The following STARD13 variants were observed in gnomAD, a reference collection of about 807,000 sequenced individuals.
The protein encoded by STARD13 is StAR related lipid transfer domain containing 13, also known as stAR-related lipid transfer protein 13.
STARD13 carries 62 observed loss-of-function variants against 106.4 expected under a neutral mutation model. That is an observed-to-expected ratio of 0.58 (90% CI 0.48 to 0.72). STARD13 has a LOEUF of 0.72. Among genes scored for constraint, STARD13 ranks in the 30% least tolerant of loss-of-function variants. STARD13 has a pLI of 0.00. For synonymous variants in STARD13, 565 were observed against 553.0 expected, an observed-to-expected ratio of 1.02 and a Z score of -0.31; for missense variants, 1,387 against 1,424.0, an observed-to-expected ratio of 0.97 and a Z score of 0.42.
At chr13:33,149,362 A>G (rs2858812) in intron 3 of STARD13, among the ~76,000 whole-genome samples, 65,803 of 152,082 alleles carry the variant, frequency 0.43, 14,898 homozygotes, top group East Asian at 0.58. Flanking sequence ...GAACCTAAAA[A>G]TTCTCTAAGA....
the STARD13 span, among the ~76,000 whole-genome samples, chr13:33,478,638 G>A: frequency 6.6e-6 from 1 of 152,070 alleles, no homozygotes; most frequent in Admixed American, 6.5e-5. Flanking sequence ...AGGTCAGGCT[G>A]GGCATGGTGG....
At chr13:33,394,812 A>G in the STARD13 span, among the ~76,000 whole-genome samples, 1 of 152,240 alleles carries the variant, frequency 6.6e-6, no homozygotes, top group African/African-American at 2.4e-5. Context: ...CAGAGCAGGC[A>G]GAGTTATTCA....
intron 1 of STARD13, among the ~76,000 whole-genome samples, chr13:33,204,993 G>C (rs1887312466): frequency 6.6e-6 from 1 of 152,194 alleles, no homozygotes; most frequent in Non-Finnish European, 1.5e-5. Context: ...GACCTCCTGT[G>C]AGCCCCCTGA....
chr13:33,630,574 C>T, the STARD13 span, among the ~76,000 whole-genome samples: 1 of 152,174 alleles, frequency 6.6e-6, no homozygotes, highest in East Asian at 1.9e-4. Flanking sequence ...TTCACCAAGT[C>T]CCTAGTGACC....
intron 1 of STARD13, among the ~76,000 whole-genome samples, chr13:33,291,088 A>G (rs954117482): frequency 6.6e-6 from 1 of 152,206 alleles, no homozygotes; most frequent in African/African-American, 2.4e-5. Context: ...AATATTAAAC[A>G]TTTTCTAATC....
the STARD13 span, among the ~76,000 whole-genome samples, chr13:33,545,141 G>A: frequency 6.6e-6 from 1 of 151,960 alleles, no homozygotes; most frequent in East Asian, 1.9e-4. Flanking sequence ...ATTTTCCTTA[G>A]TAGAGATCAG....
the STARD13 span, among the ~76,000 whole-genome samples, chr13:33,531,878 A>G: frequency 6.6e-6 from 1 of 152,206 alleles, no homozygotes; most frequent in Admixed American, 6.5e-5. Context: ...ATAATTACTC[A>G]TTTGTTTTTT....
intron 1 of STARD13, among the ~76,000 whole-genome samples, chr13:33,265,732 G>A (rs1890864368): frequency 6.6e-6 from 1 of 152,054 alleles, no homozygotes; most frequent in African/African-American, 2.4e-5. Flanking sequence ...GGAAGAAAAT[G>A]TATATGATTC....
the STARD13 span, among the ~76,000 whole-genome samples, chr13:33,653,440 T>A: frequency 6.6e-6 from 1 of 152,160 alleles, no homozygotes; most frequent in Admixed American, 6.5e-5. Flanking sequence ...AGAAAAGCCT[T>A]TTCAACAAAT....
chr13:33,470,711 A>G, the STARD13 span, among the ~76,000 whole-genome samples: 1 of 152,192 alleles, frequency 6.6e-6, no homozygotes, highest in Non-Finnish European at 1.5e-5. Context: ...TGTTGGCTGC[A>G]TAAATGTCTT....
At chr13:33,663,988 G>A in the STARD13 span, among the ~76,000 whole-genome samples, 1 of 152,184 alleles carries the variant, frequency 6.6e-6, no homozygotes, top group Admixed American at 6.5e-5. Context: ...CCAACGGGAA[G>A]GGAAGCATCC....
chr13:33,164,381 C>T (rs753950113), intron 3 of STARD13: 4 of 152,120 alleles, frequency 2.6e-5, no homozygotes, highest in African/African-American at 4.8e-5. Context: ...CATTACTTTC[C>T]CTTTAAACTA....
At chr13:33,386,143 G>A in the STARD13 span, among the ~76,000 whole-genome samples, 2 of 152,100 alleles carry the variant, frequency 1.3e-5, no homozygotes, top group African/African-American at 4.8e-5. Context: ...CACCCTGGAT[G>A]AAAACCCAAG....
upstream of STARD13, among the ~76,000 whole-genome samples, chr13:33,289,224 A>G (rs1892193520): frequency 6.6e-6 from 1 of 152,202 alleles, no homozygotes; most frequent in African/African-American, 2.4e-5. Context: ...GTTTTCACCT[A>G]CTTTTCTTCC....
At chr13:33,170,369 T>C (rs1594030306) in intron 1 of STARD13, among the ~76,000 whole-genome samples, 1 of 152,314 alleles carries the variant, frequency 6.6e-6, no homozygotes, top group African/African-American at 2.4e-5. Flanking sequence ...GGTTGGACAG[T>C]GCAATGGGGC....
At chr13:33,569,536 T>C in the STARD13 span, among the ~76,000 whole-genome samples, 4 of 147,484 alleles carry the variant, frequency 2.7e-5, 1 homozygote, top group Non-Finnish European at 6.0e-5. Context: ...TCTTATATAA[T>C]TAGAGCTTGA....
At position 33,165,362 on chromosome 13, in the gene STARD13, T is replaced by A. The variant is rs769916446; in HGVS notation, c.298A>T (p.Lys100Ter). 1.9e-6 allele frequency: 3 copies of A among 1,613,808 alleles called. No homozygotes were observed. Among genetic ancestry groups the A allele is most frequent in the Non-Finnish European group, 2.5e-6 (3 of 1,179,838 alleles). The change falls in exon 3 of 14, where the codon AAG becomes TAG. Residue 100 changes from lysine (K) to a stop codon, truncating the protein, a stop_gained. Coordinates refer to ENST00000336934, the MANE Select transcript of STARD13 (RefSeq NM_178006.4). LOFTEE classifies it high-confidence loss of function. ...CTGCAAAGAGGTTCTACAAGGTCCT[T>A]TTCAAGAAAATCATGATCATTCTTG... ...AVKNDHDFLEKDLVEPLCRRL... is the reference protein window; with the variant it reads ...AVKNDHDFLE
the STARD13 span, among the ~76,000 whole-genome samples, chr13:33,472,114 C>T: frequency 1.3e-5 from 2 of 151,938 alleles, no homozygotes; most frequent in Admixed American, 1.3e-4. Context: ...AAAAAATTTG[C>T]TTTTCATAAC....
chr13:33,375,287 G>C, the STARD13 span, among the ~76,000 whole-genome samples: 1 of 152,170 alleles, frequency 6.6e-6, no homozygotes, highest in Non-Finnish European at 1.5e-5. Context: ...AAGACTAAGT[G>C]AGGGGACAGT....
Sources: allele counts gnomAD v4.1 joint callset (sites outside exome capture counted in the v4.1 genomes callset), GRCh38; gene constraint gnomAD v4.1.1; transcripts MANE v1.5; gene names NCBI Gene and HGNC (gene_info 2026-07-23, HGNC 2026-07-21).